The following ATP1A2 variants were observed in gnomAD, a reference collection of about 807,000 sequenced individuals.
ATP1A2 encodes ATPase Na+/K+ transporting subunit alpha 2.
In ATP1A2, 56 loss-of-function variants were observed where a neutral mutation model predicts 113.1. The ratio of observed to expected loss-of-function variants is 0.49; its 90% CI spans 0.40 to 0.62. ATP1A2 has a LOEUF of 0.62. ATP1A2 is among the 20% of genes least tolerant of loss of function. ATP1A2 has a pLI of 0.00. For missense variants in ATP1A2, 712 were observed against 1,357.8 expected, an observed-to-expected ratio of 0.52 and a Z score of 7.47; for synonymous variants, 490 against 526.8, an observed-to-expected ratio of 0.93 and a Z score of 0.96.
intron 22 of ATP1A2, chr1:160,140,646 G>A (rs904158738): frequency 6.0e-6 from 1 of 165,958 alleles, no homozygotes; most frequent in Non-Finnish European, 1.3e-5. Flanking sequence ...TCTCTGCACA[G>A]CAAGAATGGA....
intron 13 of ATP1A2, among the ~76,000 whole-genome samples, chr1:160,134,235 C>CCACCCA (rs1651861774): frequency 2.4e-5 from 3 of 122,974 alleles, no homozygotes; most frequent in Non-Finnish European, 3.3e-5. Flanking sequence ...CAATCCCCAC[C>CCACCCA]CACACACACA....
intron 17 of ATP1A2, 116 bp downstream of exon 17, chr1:160,136,109 C>T: frequency 6.3e-7 from 1 of 1,599,970 alleles, no homozygotes; most frequent in South Asian, 1.1e-5. Context: ...GAGACAGGCA[C>T]AGGCCTGGAA....
intron 7 of ATP1A2, among the ~76,000 whole-genome samples, chr1:160,126,374 G>A (rs956892474): frequency 6.6e-6 from 1 of 151,564 alleles, no homozygotes; most frequent in Admixed American, 6.6e-5. Context: ...AAATATTTTC[G>A]ATCTGAGGTT....
intron 18 of ATP1A2, 92 bp downstream of exon 18, chr1:160,136,462 G>A (rs919848572): frequency 4.3e-6 from 7 of 1,612,370 alleles, no homozygotes; most frequent in Non-Finnish European, 5.9e-6. Context: ...TTCCAGGACA[G>A]AGGCCAGCTA....
chr1:160,119,256 CAAAAA>C (rs386368465), intron 1 of ATP1A2, among the ~76,000 whole-genome samples: 70 of 49,426 alleles, frequency 1.4e-3, no homozygotes, highest in Non-Finnish European at 1.8e-3. Flanking sequence ...CATTATCCTG[CAAAAA>C]AAAAAAAAAA....
chr1:160,117,001 G>A (rs570177235), intron 1 of ATP1A2, among the ~76,000 whole-genome samples: 1 of 152,202 alleles, frequency 6.6e-6, no homozygotes, highest in Admixed American at 6.5e-5. Flanking sequence ...GTTCTCCATA[G>A]GCGGGGAGTC....
rs1652149943 is a variant in ATP1A2, at chr1:160,141,498, A to G, written c.*176A>G. 1 of 755,292 alleles carries G rather than the reference A, an allele frequency of 1.3e-6. No homozygotes were observed. The highest frequency in any genetic ancestry group is 2.7e-5 in the East Asian group (1 of 37,336). The allele number at this position is 755,292 out of a possible 1,614,324, so 46.8% of individuals were successfully genotyped here. A position where few individuals can be genotyped will look rare whatever the true frequency, so the allele number is the denominator to read the frequency against. On this transcript the variant is annotated 3_prime_UTR_variant, in exon 23 of 23. Transcript: ENST00000361216. Reference sequence around the variant, plus strand: ...GTATATAAATTGGGGTGATGACCCCATAGACCTAACTGTGAACAATCAGAT... The same window carrying G: ...GTATATAAATTGGGGTGATGACCCCGTAGACCTAACTGTGAACAATCAGAT...
chr1:160,139,004 G>A (rs991118512), intron 20 of ATP1A2, among the ~76,000 whole-genome samples: 1 of 152,208 alleles, frequency 6.6e-6, no homozygotes, highest in African/African-American at 2.4e-5. Flanking sequence ...GAGGCTCAGA[G>A]AAATTCAACA....
chr1:160,137,247 C>A lies in ATP1A2; in HGVS notation c.2840+216C>A. The A allele has an allele frequency of 5.9e-6, 4 of 683,414 alleles. No individual in the cohort carries two copies. In the South Asian group the frequency reaches 7.4e-5, roughly 13 times the overall value. 42.3% of individuals were successfully genotyped at this position (683,414 alleles called of 1,614,324 possible). On this transcript the variant is annotated intron_variant, in intron 20 of 22. Transcript: ENST00000361216. The stretch of plus-strand genomic sequence containing the variant: ...GCATTTTGTTATTGTCTCTCTCCAC[C>A]TTTCTTCTCTCCTTCTCTCCCTCCC...
chr1:160,134,669 G>A (rs1024078789), intron 14 of ATP1A2, 49 bp downstream of exon 14: 27 of 1,613,888 alleles, frequency 1.7e-5, no homozygotes, highest in Non-Finnish European at 2.3e-5. Flanking sequence ...ACGTCCTCTT[G>A]CACAGAAGGC....
At position 160,140,021 on chromosome 1, in the gene ATP1A2, C is replaced by G. The variant is rs1463775201; in HGVS notation, c.3034+37C>G. ...CACATTCCCCCCAGCAAAGTGCAAG[C>G]CCCACCACCAGCTCCTCCCTCCAGG... is the stretch of plus-strand genomic sequence containing the variant. On this transcript the variant is annotated intron_variant, in intron 22 of 22. Transcript: ENST00000361216. 3.1e-6 allele frequency: 5 copies of G among 1,594,562 alleles called. No homozygotes were observed. The Admixed American group carries it at 6.7e-5, about 21-fold the overall frequency.
At chr1:160,118,796 G>A (rs1372552027) in intron 1 of ATP1A2, among the ~76,000 whole-genome samples, 1 of 151,874 alleles carries the variant, frequency 6.6e-6, no homozygotes, top group Non-Finnish European at 1.5e-5. Context: ...TGATTGTACT[G>A]GTCAGACTTC....
intron 1 of ATP1A2, 71 bp from the exon 2 acceptor site, chr1:160,120,835 G>T: frequency 6.7e-7 from 1 of 1,488,068 alleles, no homozygotes; most frequent in South Asian, 1.2e-5. Flanking sequence ...TGGGCTCCCT[G>T]GCTGAGTGGT....
At chr1:160,120,481 TCCTACA>T (rs1173131426) in intron 1 of ATP1A2, among the ~76,000 whole-genome samples, 1 of 152,098 alleles carries the variant, frequency 6.6e-6, no homozygotes, top group African/African-American at 2.4e-5. Context: ...GCTAAGACAT[TCCTACA>T]GAGTGATTCT....
At chr1:160,117,168 C>T (rs1028419397) in intron 1 of ATP1A2, among the ~76,000 whole-genome samples, 3 of 152,038 alleles carry the variant, frequency 2.0e-5, no homozygotes, top group Admixed American at 6.5e-5. Context: ...ATGGGCTTCA[C>T]GGAGGAAGAG....
chr1:160,141,497 C>CAATTT lies in ATP1A2; in HGVS notation c.*176_*177insATTTA. The CAATTT allele has an allele frequency of 1.3e-6, 1 of 756,336 alleles. No homozygotes were observed. The highest frequency in any genetic ancestry group is 2.3e-6 in the Non-Finnish European group (1 of 434,508). 46.9% of individuals were successfully genotyped at this position (756,336 alleles called of 1,614,324 possible). The stretch of plus-strand genomic sequence containing the variant: ...GGTATATAAATTGGGGTGATGACCC[C>CAATTT]ATAGACCTAACTGTGAACAATCAGA... On this transcript the variant is annotated 3_prime_UTR_variant, in exon 23 of 23. Transcript: ENST00000361216.
intron 2 of ATP1A2, 65 bp downstream of exon 2, chr1:160,121,075 T>C (rs898795732): frequency 2.5e-6 from 4 of 1,605,830 alleles, no homozygotes; most frequent in Non-Finnish European, 3.4e-6. Flanking sequence ...TGCAGCCCAT[T>C]GCACTCAGAG....
chr1:160,134,150 A>C (rs375610318), intron 13 of ATP1A2, among the ~76,000 whole-genome samples: 34 of 129,836 alleles, frequency 2.6e-4, no homozygotes, highest in East Asian at 9.5e-4. Context: ...CACATACCCC[A>C]CACACACACA....
chr1:160,140,119 A>G, intron 22 of ATP1A2, 135 bp downstream of exon 22: 3 of 879,042 alleles, frequency 3.4e-6, no homozygotes, highest in South Asian at 2.8e-5. Flanking sequence ...CTGGGGTCCC[A>G]GGTCCCAGGA....
Sources: allele counts gnomAD v4.1 joint callset (sites outside exome capture counted in the v4.1 genomes callset), GRCh38; gene constraint gnomAD v4.1.1; transcripts MANE v1.5; gene names NCBI Gene and HGNC (gene_info 2026-07-23, HGNC 2026-07-21).